ZFP64: variants seen among roughly 807,000 people sequenced by gnomAD.
The protein encoded by ZFP64 is ZFP64 zinc finger protein.
Under a neutral mutation model 51.6 loss-of-function variants are expected in ZFP64, and 14 were observed. The ratio of observed to expected loss-of-function variants is 0.27; its 90% confidence interval spans 0.18 to 0.42. ZFP64 has a LOEUF of 0.42. ZFP64 is among the 10% of genes least tolerant of loss of function. The pLI is 1.00. For missense variants in ZFP64, 754 were observed against 906.8 expected, an observed-to-expected ratio of 0.83 and a Z score of 2.16; for synonymous variants, 375 against 361.4, an observed-to-expected ratio of 1.04 and a Z score of -0.43.
downstream of ZFP64, among the ~76,000 whole-genome samples, chr20:52,146,451 T>C (rs1980532148): frequency 6.6e-6 from 1 of 151,212 alleles, no homozygotes; most frequent in Non-Finnish European, 1.5e-5. Flanking sequence ...AAATTGGAAA[T>C]CATCATTCTC....
exon 9 of ZFP64, chr20:52,084,635 G>A (rs751150706): frequency 5.6e-6 from 9 of 1,614,132 alleles, no homozygotes; most frequent in Non-Finnish European, 7.6e-6. Flanking sequence ...CCGAGGCACC[G>A]CTTTCCGGTG....
chr20:52,135,956 G>T (rs1488461677), intron 5 of ZFP64, among the ~76,000 whole-genome samples: 1 of 151,652 alleles, frequency 6.6e-6, no homozygotes, highest in Non-Finnish European at 1.5e-5. Context: ...AAAATTAGCT[G>T]GGCATAGTGG....
chr20:52,102,107 C>CCAAAAAAAAAAAAA (rs551838560), intron 5 of ZFP64, among the ~76,000 whole-genome samples: 3 of 63,438 alleles, frequency 4.7e-5, no homozygotes, highest in African/African-American at 2.0e-4. Flanking sequence ...ACTCCATCTC[C>CCAAAAAAAAAAAAA]AAAAAAAAAA....
intron 2 of ZFP64, among the ~76,000 whole-genome samples, chr20:52,180,921 A>AT (rs1568703991): frequency 1.3e-5 from 2 of 151,918 alleles, no homozygotes; most frequent in Non-Finnish European, 2.9e-5. Context: ...TCCCCTGTTT[A>AT]TTTTTTTATT....
chr20:52,117,729 G>C (rs751604987), intron 5 of ZFP64: 5 of 451,246 alleles, frequency 1.1e-5, no homozygotes, highest in Non-Finnish European at 8.9e-6. Context: ...CATAGAATAG[G>C]TTTGCATTCA....
At chr20:52,111,466 C>T (rs1396707127) in intron 5 of ZFP64, among the ~76,000 whole-genome samples, 1 of 151,842 alleles carries the variant, frequency 6.6e-6, no homozygotes, top group Non-Finnish European at 1.5e-5. Context: ...CTGCCTGCTT[C>T]GGCCTCCCAA....
intron 5 of ZFP64, among the ~76,000 whole-genome samples, chr20:52,109,052 AT>A: frequency 6.6e-6 from 1 of 152,160 alleles, no homozygotes; most frequent in East Asian, 1.9e-4. Context: ...ATCTTCCCTC[AT>A]AATCAGGAGC....
chr20:52,146,077 T>TA lies in ZFP64; in HGVS notation c.763+14045dup, dbSNP rs200683243. Among the ~76,000 whole-genome samples the TA allele has an allele frequency of 6.2e-4, 91 of 147,766 alleles. 1 individual carries two copies. Among genetic ancestry groups the TA allele is most frequent in the Middle Eastern group, 3.4e-3 (1 of 290 alleles). ...ATTTTTTTCTTTTACTTTTTCAACT[T>TA]AAAAAAAAAACAAACTAAGACACAA... On this transcript the variant is annotated intron_variant, in intron 5 of 8. Coordinates refer to the ZFP64 transcript ENST00000361387.
intron 5 of ZFP64, among the ~76,000 whole-genome samples, chr20:52,107,123 C>T (rs7345668): frequency 1.3e-5 from 2 of 151,732 alleles, no homozygotes; most frequent in African/African-American, 2.4e-5. Context: ...TATACACACA[C>T]GTTTATCATA....
intron 5 of ZFP64, among the ~76,000 whole-genome samples, chr20:52,157,494 G>C (rs957307458): frequency 2.0e-5 from 3 of 152,160 alleles, no homozygotes; most frequent in Admixed American, 6.5e-5. Flanking sequence ...AAGTAGCTTA[G>C]GAAAGTGATG....
At chr20:52,150,204 C>CAAAAAAA (rs11474043), downstream of ZFP64, among the ~76,000 whole-genome samples, 1 of 137,546 alleles carries the variant, frequency 7.3e-6, no homozygotes, top group Non-Finnish European at 1.6e-5. Context: ...GACTCCACCT[C>CAAAAAAA]AAAAAAAAAA....
chr20:52,153,028 C>G lies in ZFP64; in HGVS notation c.1164G>C (p.Lys388Asn). 6.2e-7 allele frequency: 1 copy of G among 1,614,106 alleles called. No homozygotes were observed. The highest frequency in any genetic ancestry group is 8.5e-7 in the Non-Finnish European group (1 of 1,180,044). Residue 388 changes from lysine to asparagine, a missense_variant, in exon 6 of 6, where the codon AAG (lysine) becomes AAC (asparagine). Coordinates refer to ENST00000216923, the MANE Select transcript of ZFP64 (RefSeq NM_018197.3). This position sits in a 1 kb window ranked among gnomAD's most constrained non-coding sequence, Gnocchi z 5.1. ...TGTCCCCATGGAACTTCTTCATGTG[C>G]TTGCTCAGGTTGCTGGGCTGTTTGG... ...FDTKQPSNLS[K>N]HMKKFHGDMV...
intron 5 of ZFP64, among the ~76,000 whole-genome samples, chr20:52,115,197 CAAA>C (rs11484315): frequency 1.1e-5 from 1 of 90,066 alleles, no homozygotes; most frequent in Admixed American, 1.3e-4. Flanking sequence ...GAGTGAGTCT[CAAA>C]AAAAAAAAAA....
intron 5 of ZFP64, chr20:52,105,635 AG>A (rs1422835932): frequency 6.4e-6 from 1 of 156,318 alleles, no homozygotes; most frequent in Non-Finnish European, 1.4e-5. Context: ...TTAAAATTTC[AG>A]AAGCGCAGCT....
intron 5 of ZFP64, among the ~76,000 whole-genome samples, chr20:52,123,723 T>C (rs536721590): frequency 6.6e-6 from 1 of 152,328 alleles, no homozygotes; most frequent in East Asian, 1.9e-4. Flanking sequence ...CTGGGCCTCA[T>C]AAACATTGGA....
At chr20:52,161,253 T>C (rs1456082416) in intron 4 of ZFP64, among the ~76,000 whole-genome samples, 1 of 152,214 alleles carries the variant, frequency 6.6e-6, no homozygotes, top group Non-Finnish European at 1.5e-5. Context: ...TATGTCAACT[T>C]GACATCTGTG....
intron 5 of ZFP64, among the ~76,000 whole-genome samples, chr20:52,128,274 A>AAAT (rs918720375): frequency 9.9e-5 from 15 of 152,178 alleles, no homozygotes; most frequent in Admixed American, 2.0e-4. Context: ...CTCTCTCTAT[A>AAAT]AATAATAATA....
intron 5 of ZFP64, among the ~76,000 whole-genome samples, chr20:52,131,940 A>G (rs577395772): frequency 6.6e-6 from 1 of 152,322 alleles, no homozygotes; most frequent in South Asian, 2.1e-4. Context: ...CAGCACATGG[A>G]TCATTCTCAA....
chr20:52,107,844 T>C (rs1020296585), intron 5 of ZFP64, among the ~76,000 whole-genome samples: 2 of 152,202 alleles, frequency 1.3e-5, no homozygotes, highest in Non-Finnish European at 2.9e-5. Context: ...AGTGTCAGAG[T>C]TTCTCGTGAG....
Sources: allele counts gnomAD v4.1 joint callset (sites outside exome capture counted in the v4.1 genomes callset), GRCh38; gene constraint gnomAD v4.1.1; non-coding constraint Gnocchi (gnomAD v3.1); transcripts MANE v1.5; gene names NCBI Gene and HGNC (gene_info 2026-07-23, HGNC 2026-07-21).